SCN3A: variants seen among roughly 807,000 people sequenced by gnomAD.
The protein encoded by SCN3A is sodium channel protein type 3 subunit alpha.
In SCN3A, 60 loss-of-function variants were observed where a neutral mutation model predicts 187.6. The observed-to-expected ratio is 0.32, with a 90% confidence interval of 0.26 to 0.40. The LOEUF (loss-of-function observed/expected upper bound fraction) is 0.40. Among genes scored for constraint, SCN3A ranks in the 10% least tolerant of loss-of-function variants. The pLI, the probability that SCN3A is intolerant of heterozygous loss-of-function variation, is 1.00. For synonymous variants in SCN3A, 788 were observed against 829.2 expected, an observed-to-expected ratio of 0.95 and a Z score of 0.85; for missense variants, 1,601 against 2,428.2, an observed-to-expected ratio of 0.66 and a Z score of 7.16.
At chr2:165,135,544 A>G (rs759657633) in intron 15 of SCN3A, among the ~76,000 whole-genome samples, 1 of 152,110 alleles carries the variant, frequency 6.6e-6, no homozygotes, top group Non-Finnish European at 1.5e-5. Flanking sequence ...GTAATCATCT[A>G]TGATCTATAA....
rs933121431 is a variant in SCN3A, at chr2:165,140,408, C to T, written c.2019+243G>A. Reference sequence around the variant, plus strand: ...TGTATTTCATAGCAGACTCTAAAAACGGGGCCCTTTTAACCTAAAGCCATG... The same window carrying T: ...TGTATTTCATAGCAGACTCTAAAAATGGGGCCCTTTTAACCTAAAGCCATG... On this transcript the variant is annotated intron_variant, in intron 13 of 27. Transcript: ENST00000283254. The surrounding 1 kb of genome is among the most constrained non-coding windows in gnomAD (Gnocchi z 4.2). Among the ~76,000 whole-genome samples the T allele has an allele frequency of 2.0e-5, 3 of 151,964 alleles. No individual in the cohort carries two copies. Among genetic ancestry groups the T allele is most frequent in the Non-Finnish European group, 4.4e-5 (3 of 67,988 alleles).
At chr2:165,117,776 T>TA (rs1056382473) in intron 18 of SCN3A, among the ~76,000 whole-genome samples, 8 of 152,192 alleles carry the variant, frequency 5.3e-5, no homozygotes, top group African/African-American at 1.4e-4. Flanking sequence ...AATGATTTAA[T>TA]AAAAAATAAT....
chr2:165,130,300 T>C lies in SCN3A; in HGVS notation c.2566-4A>G. 1 of 1,613,544 alleles carries C rather than the reference T, an allele frequency of 6.2e-7. No individual in the cohort carries two copies. The highest frequency in any genetic ancestry group is 8.5e-7 in the Non-Finnish European group (1 of 1,179,476). ...TTGCCAACTTGAAAACTCTAAGCTG[T>C]AATCAAGTGAAAAGATGCTGTTAGT... On this transcript the variant is annotated splice_polypyrimidine_tract_variant and splice_region_variant and intron_variant, in intron 16 of 27. Coordinates refer to ENST00000283254, the MANE Select transcript of SCN3A (RefSeq NM_006922.4).
intron 18 of SCN3A, among the ~76,000 whole-genome samples, chr2:165,117,942 A>G (rs1469670394): frequency 6.6e-6 from 1 of 152,184 alleles, no homozygotes; most frequent in East Asian, 1.9e-4. Context: ...TCTTCCATGT[A>G]TTCTGCAGGT....
intron 21 of SCN3A, among the ~76,000 whole-genome samples, chr2:165,102,167 C>T (rs536572533): frequency 9.2e-5 from 14 of 152,318 alleles, no homozygotes; most frequent in East Asian, 3.9e-4. Flanking sequence ...TTTAAAGGGA[C>T]GTGGCTGCAA....
rs575879309 is a variant in SCN3A at position 165,112,199 on chromosome 2, C to T, written c.3843+686G>A. Reference sequence around the variant, plus strand: ...CTGTCATGTTGTCCCAGTGCCTCTCCGTCACTTGCAATAAAAAAACAGGCT... The same window carrying T: ...CTGTCATGTTGTCCCAGTGCCTCTCTGTCACTTGCAATAAAAAAACAGGCT... On this transcript the variant is annotated intron_variant, in intron 21 of 27. Coordinates refer to ENST00000283254, the MANE Select transcript of SCN3A (RefSeq NM_006922.4). Among the ~76,000 whole-genome samples, 9 of 152,238 alleles carry T rather than the reference C, an allele frequency of 5.9e-5. No individual in the cohort carries two copies. The East Asian group carries it at 1.7e-3, about 29-fold the overall frequency.
chr2:165,191,329 C>T (rs1691598035), intron 1 of SCN3A, among the ~76,000 whole-genome samples: 1 of 152,052 alleles, frequency 6.6e-6, no homozygotes, highest in South Asian at 2.1e-4. Flanking sequence ...GATTTGAGAA[C>T]ATAGAAATCG....
At position 165,130,116 on chromosome 2, in the gene SCN3A, T is replaced by C; in HGVS notation, c.2746A>G (p.Asn916Asp). The change falls in exon 17 of 28, where the codon AAT becomes GAT. Residue 916 changes from asparagine to aspartate, a missense_variant. Transcript: ENST00000283254. ...KSYKECVCKI[N>D]DDCTLPRWHM... Reference sequence around the variant, plus strand: ...CACCGTGGGAGCGTACAGTCATCATTGATCTTGCAGACACATTCTTTGTAG... The same window carrying C: ...CACCGTGGGAGCGTACAGTCATCATCGATCTTGCAGACACATTCTTTGTAG... The C allele has an allele frequency of 2.5e-6, 4 of 1,614,184 alleles. No homozygotes were observed. Among genetic ancestry groups the C allele is most frequent in the Non-Finnish European group, 3.4e-6 (4 of 1,180,014 alleles).
At chr2:165,183,699 T>C (rs796214635) in intron 2 of SCN3A, among the ~76,000 whole-genome samples, 12 of 152,246 alleles carry the variant, frequency 7.9e-5, no homozygotes, top group African/African-American at 2.6e-4. Flanking sequence ...TAACCTGTAG[T>C]ATTAGTAGTG....
rs936140950 is a variant in SCN3A at position 165,156,754 on chromosome 2, C to T, written c.1032-851G>A. 3.5e-4 allele frequency among the ~76,000 whole-genome samples: 53 copies of T among 152,106 alleles called. 1 individual carries two copies. The highest frequency in any genetic ancestry group is 1.1e-3 in the African/African-American group (47 of 41,516). Reference sequence around the variant, plus strand: ...ATTTAATTGAGATGGGATCTTGCTACGCTGCCCAGGCTGGTCTGAAACTTC... The same window carrying T: ...ATTTAATTGAGATGGGATCTTGCTATGCTGCCCAGGCTGGTCTGAAACTTC... On this transcript the variant is annotated intron_variant, in intron 9 of 27. Transcript: ENST00000283254.
At chr2:165,124,761 T>A (rs1317123885) in intron 18 of SCN3A, among the ~76,000 whole-genome samples, 3 of 152,144 alleles carry the variant, frequency 2.0e-5, no homozygotes, top group Non-Finnish European at 4.4e-5. Flanking sequence ...TTTAGTAGGT[T>A]TGTCAAGTTG....
intron 1 of SCN3A, among the ~76,000 whole-genome samples, chr2:165,196,491 A>T (rs1008901684): frequency 1.3e-5 from 2 of 152,086 alleles, no homozygotes; most frequent in African/African-American, 4.8e-5. Flanking sequence ...TAGGGAAAAG[A>T]CTTTAGGATA....
chr2:165,117,222 A>C (rs1041682481), intron 18 of SCN3A, among the ~76,000 whole-genome samples: 2 of 152,058 alleles, frequency 1.3e-5, no homozygotes, highest in Admixed American at 6.6e-5. Flanking sequence ...GATGAGTGAC[A>C]GCTATTAATA....
intron 15 of SCN3A, among the ~76,000 whole-genome samples, chr2:165,132,987 T>G: frequency 6.6e-6 from 1 of 152,156 alleles, no homozygotes; most frequent in East Asian, 1.9e-4. Flanking sequence ...GAACAGACAC[T>G]TCTCAAAAGA....
chr2:165,200,447 A>G (rs1189904042), intron 1 of SCN3A, among the ~76,000 whole-genome samples: 1 of 152,064 alleles, frequency 6.6e-6, no homozygotes, highest in African/African-American at 2.4e-5. Context: ...GGTGAAAAAA[A>G]ATCTTTAAAT....
At chr2:165,126,203 C>T (rs1686979511) in intron 18 of SCN3A, among the ~76,000 whole-genome samples, 1 of 152,216 alleles carries the variant, frequency 6.6e-6, no homozygotes, top group Non-Finnish European at 1.5e-5. Context: ...TCTTTGATAA[C>T]TCCATCTGTG....
Position 165,097,225 on chromosome 2 carries a change from T to C in SCN3A, c.4239+27A>G, listed in dbSNP as rs192075079. ...TTCCTTGAAACATCTTGAAAACTTT[T>C]TCAAAACTCGTACAGTAGCCACTTA... On this transcript the variant is annotated intron_variant, in intron 23 of 27. Coordinates refer to ENST00000283254, the MANE Select transcript of SCN3A (RefSeq NM_006922.4). The C allele has an allele frequency of 2.5e-6, 4 of 1,613,576 alleles. No homozygotes were observed. The South Asian group carries it at 4.4e-5, about 18-fold the overall frequency.
At chr2:165,177,286 T>C (rs1690529613) in intron 2 of SCN3A, among the ~76,000 whole-genome samples, 2 of 152,190 alleles carry the variant, frequency 1.3e-5, no homozygotes, top group Admixed American at 1.3e-4. Context: ...ACACTGTCCG[T>C]TCTAAACCCT....
chr2:165,121,850 G>T (rs1686696018), intron 18 of SCN3A, among the ~76,000 whole-genome samples: 1 of 152,048 alleles, frequency 6.6e-6, no homozygotes, highest in South Asian at 2.1e-4. Flanking sequence ...CAATAATCTT[G>T]GGAGATTCCC....
Sources: gnomAD v4.1 joint callset for allele counts (sites outside exome capture counted in the v4.1 genomes callset) on GRCh38, gnomAD v4.1.1 for gene constraint, Gnocchi (gnomAD v3.1) non-coding constraint, MANE v1.5 for transcripts, NCBI Gene and HGNC (gene_info 2026-07-23, HGNC 2026-07-21) for gene names.